Variants in SIPA1L1 observed in about 807,000 individuals in gnomAD.
SIPA1L1 encodes the protein signal-induced proliferation-associated 1-like protein 1.
A neutral mutation model predicts 162.7 loss-of-function variants in SIPA1L1; 26 were observed. That is an observed-to-expected ratio of 0.16 (90% CI 0.12 to 0.22). The LOEUF (loss-of-function observed/expected upper bound fraction) is 0.22. SIPA1L1 is among the 10% of genes least tolerant of loss of function. SIPA1L1 has a pLI of 1.00. For synonymous variants in SIPA1L1, 829 were observed against 837.4 expected (o/e 0.99, Z 0.17); for missense variants, 1,874 against 2,241.0 (o/e 0.84, Z 3.31).
intron 2 of SIPA1L1, among the ~76,000 whole-genome samples, chr14:71,490,734 C>T (rs933063119): frequency 6.6e-6 from 1 of 152,168 alleles, no homozygotes; most frequent in Non-Finnish European, 1.5e-5. Context: ...AAGCATTTAT[C>T]ATTTTTTCTT....
chr14:71,687,310 G>A (rs1327103036), intron 13 of SIPA1L1, among the ~76,000 whole-genome samples: 1 of 152,152 alleles, frequency 6.6e-6, no homozygotes, highest in Non-Finnish European at 1.5e-5. Flanking sequence ...AGACCTCTGA[G>A]TAAATTCTTT....
intron 2 of SIPA1L1, among the ~76,000 whole-genome samples, chr14:71,348,959 T>C (rs531580132): frequency 3.3e-5 from 5 of 152,218 alleles, no homozygotes; most frequent in African/African-American, 4.8e-5. Context: ...ACTGATAAGG[T>C]GAGAGAAGCT....
At chr14:71,408,242 G>A (rs980764885) in intron 2 of SIPA1L1, among the ~76,000 whole-genome samples, 2 of 152,108 alleles carry the variant, frequency 1.3e-5, no homozygotes, top group African/African-American at 4.8e-5. Context: ...TGGTATTTAA[G>A]CTTCCCAAGT....
At chr14:71,496,072 G>GA (rs61282539) in intron 2 of SIPA1L1, among the ~76,000 whole-genome samples, 23,520 of 129,480 alleles carry the variant, frequency 0.18, 2,362 homozygotes, top group Middle Eastern at 0.37. Context: ...TAAAAAAAAA[G>GA]AAAAAAAAAA....
chr14:71,433,924 A>G (rs1202179601), intron 2 of SIPA1L1, among the ~76,000 whole-genome samples: 40 of 152,212 alleles, frequency 2.6e-4, no homozygotes, highest in Non-Finnish European at 2.9e-4. Context: ...AAATGTCTAG[A>G]AAGTTGGAAG....
rs1278587496 is a variant in SIPA1L1, at chr14:71,618,826, C to T, written c.1568C>T (p.Pro523Leu). 1 of 1,613,830 alleles carries T rather than the reference C, an allele frequency of 6.2e-7. No homozygotes were observed. The highest frequency in any genetic ancestry group is 8.5e-7 in the Non-Finnish European group (1 of 1,179,840). ...PVAVSIRREK[P>L]DEMKENGSPY... The stretch of plus-strand genomic sequence containing the variant: ...GCTGTGAGCATTCGAAGGGAAAAAC[C>T]AGATGAAATGAAAGAAAATGGATCT... Residue 523 changes from proline to leucine, a missense_variant, in exon 6 of 24, where the codon CCA becomes CTA. Pro to Leu is a moderately conservative substitution (Grantham distance 98). This residue lies in a region of SIPA1L1 where 685 missense variants were observed against 828.0 expected (regional missense o/e 0.83). Transcript: ENST00000381232.
chr14:71,669,481 A>G lies in SIPA1L1; in HGVS notation c.2256-1638A>G, dbSNP rs866814673. ...GAAGTTGCCAATTTTAAAGTGAAAG[A>G]TATTAAATATTTCTGGATTCTTACA... On this transcript the variant is annotated intron_variant, in intron 10 of 23. Coordinates refer to ENST00000381232, the MANE Select transcript of SIPA1L1 (RefSeq NM_001386936.1). 5.9e-5 allele frequency among the ~76,000 whole-genome samples: 9 copies of G among 152,210 alleles called. No homozygotes were observed. In the South Asian group the frequency reaches 1.0e-3, roughly 17 times the overall value.
intron 5 of SIPA1L1, among the ~76,000 whole-genome samples, chr14:71,617,864 T>G (rs915723320): frequency 2.6e-5 from 4 of 152,174 alleles, no homozygotes; most frequent in Admixed American, 1.3e-4. Flanking sequence ...CTGTTCCAGT[T>G]TTTCATATAT....
intron 2 of SIPA1L1, chr14:71,448,996 T>C (rs976522748): frequency 1.3e-5 from 2 of 152,232 alleles, no homozygotes; most frequent in African/African-American, 4.8e-5. Flanking sequence ...ACAGTGTTAA[T>C]AGAGCTGTTT....
At chr14:71,652,008 T>C (rs1037098882) in intron 8 of SIPA1L1, among the ~76,000 whole-genome samples, 3 of 152,178 alleles carry the variant, frequency 2.0e-5, no homozygotes, top group Non-Finnish European at 4.4e-5. Context: ...CTCCTTTAAG[T>C]AGTTCAACTT....
intron 2 of SIPA1L1, among the ~76,000 whole-genome samples, chr14:71,469,581 C>T (rs2047290813): frequency 6.6e-6 from 1 of 152,104 alleles, no homozygotes; most frequent in African/African-American, 2.4e-5. Context: ...GCGAAGATAT[C>T]TAATGTGCAT....
At chr14:71,685,870 T>C (rs1455601211) in intron 13 of SIPA1L1, among the ~76,000 whole-genome samples, 1 of 152,218 alleles carries the variant, frequency 6.6e-6, no homozygotes, top group Non-Finnish European at 1.5e-5. Context: ...TGCTCTTTAA[T>C]TTCCGTGTGA....
chr14:71,594,577 TA>T (rs2035808943), intron 5 of SIPA1L1, among the ~76,000 whole-genome samples: 1 of 152,218 alleles, frequency 6.6e-6, no homozygotes, highest in Admixed American at 6.5e-5. Flanking sequence ...AGATAAATGG[TA>T]AACTCCAAGG....
chr14:71,332,518 T>A (rs1381043633), intron 2 of SIPA1L1, among the ~76,000 whole-genome samples: 2 of 152,168 alleles, frequency 1.3e-5, no homozygotes, highest in Non-Finnish European at 2.9e-5. Context: ...TTGGCAAAAT[T>A]TATTTTATCA....
chr14:71,705,296 C>A lies in SIPA1L1; in HGVS notation c.3721C>A (p.Arg1241=). 2 of 1,614,036 alleles carry A rather than the reference C, an allele frequency of 1.2e-6. No individual in the cohort carries two copies. Among genetic ancestry groups the A allele is most frequent in the Non-Finnish European group, 1.7e-6 (2 of 1,179,946 alleles). ...AGAGAGCCCCAGTGGGAGATTAATG[C>A]GGCAGGATCCAGTGGTTCATTTGTC... ...FRESPSGRLM[R]QDPVVHLSPN... Residue 1241 remains arginine (R), a synonymous_variant, in exon 16 of 24, where the codon CGG becomes AGG. Transcript: ENST00000381232.
chr14:71,720,425 A>T (rs144248247), intron 17 of SIPA1L1, among the ~76,000 whole-genome samples: 1 of 152,128 alleles, frequency 6.6e-6, no homozygotes, highest in South Asian at 2.1e-4. Context: ...TACTAAAAAT[A>T]CAAAAATTAG....
chr14:71,563,693 G>T (rs184196676), intron 4 of SIPA1L1, among the ~76,000 whole-genome samples: 2 of 152,210 alleles, frequency 1.3e-5, no homozygotes, highest in East Asian at 3.9e-4. Flanking sequence ...TTCTGCTATA[G>T]CACACACTAT....
At chr14:71,370,517 AC>A (rs1198468400) in intron 2 of SIPA1L1, among the ~76,000 whole-genome samples, 1 of 152,026 alleles carries the variant, frequency 6.6e-6, no homozygotes, top group East Asian at 1.9e-4. Flanking sequence ...CTTAAGTGTA[AC>A]TCCTTTAGTG....
chr14:71,587,493 T>C lies in SIPA1L1; in HGVS notation c.-302-78T>C, dbSNP rs1208503823. On this transcript the variant is annotated intron_variant, in intron 4 of 23. Transcript: ENST00000381232. ...TCCATTATTGAGTCTTTTATCTTCA[T>C]GTGTCTGGTTTTGACAATTGCATGT... 2.7e-5 allele frequency: 11 copies of C among 401,788 alleles called. No homozygotes were observed. The East Asian group carries it at 3.9e-4, about 14-fold the overall frequency. 24.9% of individuals were successfully genotyped at this position (401,788 alleles called of 1,614,324 possible).
Sources: gnomAD v4.1 joint callset for allele counts (sites outside exome capture counted in the v4.1 genomes callset) on GRCh38, gnomAD v4.1.1 for gene constraint, gnomAD v4.1.1 regional missense constraint, MANE v1.5 for transcripts, NCBI Gene and HGNC (gene_info 2026-07-23, HGNC 2026-07-21) for gene names.